The following NEK1 variants were observed in gnomAD, a reference collection of about 807,000 sequenced individuals.
NEK1 encodes the protein NIMA related kinase 1.
NEK1 carries 137 observed loss-of-function variants against 182.1 expected under a neutral mutation model. The observed-to-expected ratio is 0.75, with a 90% CI of 0.65 to 0.87. The LOEUF is 0.87. NEK1 is among the 40% of genes least tolerant of loss of function. NEK1 has a pLI of 0.00. For missense variants in NEK1, 1,391 were observed against 1,494.4 expected (o/e 0.93, Z 1.14); for synonymous variants, 513 against 492.2 (o/e 1.04, Z -0.56).
chr4:169,521,876 T>A (rs1190410789), intron 19 of NEK1, among the ~76,000 whole-genome samples: 1 of 152,190 alleles, frequency 6.6e-6, no homozygotes, highest in Admixed American at 6.5e-5. Flanking sequence ...TAAAAACATT[T>A]CTTAGTGTGG....
At chr4:169,496,139 C>G (rs1332206612) in intron 23 of NEK1, among the ~76,000 whole-genome samples, 1 of 152,130 alleles carries the variant, frequency 6.6e-6, no homozygotes, top group African/African-American at 2.4e-5. Context: ...AGTTGGATTG[C>G]TAGGTATTTT....
In NEK1 at chr4:169,408,547, T is replaced by G. The variant is rs1054252627; in HGVS notation, c.3223-1800A>C. 4.6e-5 allele frequency among the ~76,000 whole-genome samples: 7 copies of G among 152,198 alleles called. No homozygotes were observed. The South Asian group carries it at 1.5e-3, about 32-fold the overall frequency. Reference sequence around the variant, plus strand: ...CATGGATACGTTCTTCAGTGGTGATTTCTGATATTGGTGCACGCAACACCC... The same window carrying G: ...CATGGATACGTTCTTCAGTGGTGATGTCTGATATTGGTGCACGCAACACCC... On this transcript the variant is annotated intron_variant, in intron 31 of 35. Coordinates refer to ENST00000507142, the MANE Select transcript of NEK1 (RefSeq NM_001199397.3).
At chr4:169,484,373 G>A (rs1470220397) in intron 23 of NEK1, among the ~76,000 whole-genome samples, 2 of 152,122 alleles carry the variant, frequency 1.3e-5, no homozygotes, top group African/African-American at 4.8e-5. Flanking sequence ...AATCTGACAC[G>A]ATTTCTGTGA....
intron 11 of NEK1, among the ~76,000 whole-genome samples, chr4:169,578,506 G>C (rs1287814653): frequency 6.6e-6 from 1 of 152,082 alleles, no homozygotes. Context: ...GAAATCCTAC[G>C]ACTAAACTCA....
chr4:169,508,714 C>T (rs936646325), intron 20 of NEK1, 55 bp downstream of exon 20: 2 of 1,304,886 alleles, frequency 1.5e-6, no homozygotes, highest in East Asian at 2.6e-5. Flanking sequence ...GAAAAGAAGG[C>T]AATAAATTCA....
chr4:169,590,694 AT>A (rs1768323750), intron 6 of NEK1, 31 bp downstream of exon 6: 1 of 1,484,024 alleles, frequency 6.7e-7, no homozygotes, highest in Admixed American at 1.9e-5. Context: ...GTCTTTATCC[AT>A]TCAGAAGTTA....
At chr4:169,580,486 C>T (rs1355139770) in intron 11 of NEK1, among the ~76,000 whole-genome samples, 1 of 75,186 alleles carries the variant, frequency 1.3e-5, no homozygotes, top group Non-Finnish European at 2.3e-5. Flanking sequence ...AAGAGCGAAA[C>T]TTCATCTCAA....
chr4:169,542,545 TTTCTAG>T (rs1181491039), intron 18 of NEK1, among the ~76,000 whole-genome samples: 2 of 152,240 alleles, frequency 1.3e-5, no homozygotes, highest in Admixed American at 6.5e-5. Flanking sequence ...TCAAATGGCA[TTTCTAG>T]TTCTAGATCC....
At chr4:169,500,909 T>A (rs1456868827) in intron 23 of NEK1, among the ~76,000 whole-genome samples, 1 of 152,244 alleles carries the variant, frequency 6.6e-6, no homozygotes, top group Admixed American at 6.5e-5. Context: ...CACGTATCAG[T>A]ATTAACGCTG....
intron 30 of NEK1, 22 bp from the exon 31 acceptor site, chr4:169,424,822 A>ATGTGG: frequency 3.1e-6 from 5 of 1,593,856 alleles, no homozygotes; most frequent in Non-Finnish European, 4.3e-6. Flanking sequence ...AGGAGAGATT[A>ATGTGG]TGTGGTAAGT....
chr4:169,547,066 T>A (rs1393880867), intron 18 of NEK1, among the ~76,000 whole-genome samples: 1 of 152,196 alleles, frequency 6.6e-6, no homozygotes, highest in Non-Finnish European at 1.5e-5. Flanking sequence ...TTCTTCATAG[T>A]ATCTATGGTG....
intron 35 of NEK1, among the ~76,000 whole-genome samples, chr4:169,395,463 T>C (rs1435286449): frequency 1.3e-5 from 2 of 152,230 alleles, no homozygotes; most frequent in East Asian, 1.9e-4. Context: ...GTATGAGTAC[T>C]TATTTGCATT....
At chr4:169,491,757 T>C (rs1280619102) in intron 23 of NEK1, among the ~76,000 whole-genome samples, 3 of 152,282 alleles carry the variant, frequency 2.0e-5, no homozygotes, top group East Asian at 3.9e-4. Context: ...ATCTCTCAAA[T>C]TGCTATTATA....
chr4:169,435,565 G>C (rs1379944690), intron 28 of NEK1, among the ~76,000 whole-genome samples: 1 of 152,140 alleles, frequency 6.6e-6, no homozygotes. Flanking sequence ...AGCTGGCATG[G>C]TGATTCCCTT....
chr4:169,398,985 C>T (rs942449236), intron 35 of NEK1, among the ~76,000 whole-genome samples: 3 of 152,302 alleles, frequency 2.0e-5, no homozygotes, highest in Admixed American at 1.3e-4. Context: ...CAGTGGCTCA[C>T]ACCTGTAATC....
intron 11 of NEK1, among the ~76,000 whole-genome samples, chr4:169,579,283 C>T (rs1375168860): frequency 6.6e-6 from 1 of 152,148 alleles, no homozygotes; most frequent in East Asian, 1.9e-4. Flanking sequence ...CTTTCTAATT[C>T]CTATATGGGT....
intron 23 of NEK1, among the ~76,000 whole-genome samples, chr4:169,498,686 A>G (rs1369380966): frequency 3.3e-5 from 5 of 152,150 alleles, no homozygotes; most frequent in Non-Finnish European, 5.9e-5. Context: ...CTGGATATGA[A>G]ATTCTGAGTT....
chr4:169,394,556 C>T (rs575318861), intron 35 of NEK1, 33 bp from the exon 36 acceptor site: 4 of 1,331,080 alleles, frequency 3.0e-6, no homozygotes, highest in Non-Finnish European at 4.2e-6. Context: ...GACTTCATTT[C>T]AAATCAAGCT....
chr4:169,474,136 G>T (rs775662468), intron 26 of NEK1, among the ~76,000 whole-genome samples: 1 of 152,120 alleles, frequency 6.6e-6, no homozygotes, highest in Non-Finnish European at 1.5e-5. Flanking sequence ...GGAAGAGTAC[G>T]ATGGAAAAGA....
Sources: gnomAD v4.1 joint callset for allele counts (sites outside exome capture counted in the v4.1 genomes callset) on GRCh38, gnomAD v4.1.1 for gene constraint, MANE v1.5 for transcripts, NCBI Gene and HGNC (gene_info 2026-07-23, HGNC 2026-07-21) for gene names.